The following FRMD4A variants were observed in gnomAD, a reference collection of about 807,000 sequenced individuals.
FRMD4A encodes the protein FERM domain-containing protein 4A.
In FRMD4A, 29 loss-of-function variants were observed where a neutral mutation model predicts 129.1. The ratio of observed to expected loss-of-function variants is 0.22; its 90% CI spans 0.17 to 0.31. The LOEUF (loss-of-function observed/expected upper bound fraction) is 0.31. Ranked by LOEUF, FRMD4A falls within the 10% of genes least tolerant of loss-of-function variation. The probability of loss-of-function intolerance (pLI) is 1.00; values close to 1 mark genes in which losing one functional copy is unlikely to be tolerated. For missense variants in FRMD4A, 1,272 were observed against 1,375.8 expected (o/e 0.92, Z 1.19); for synonymous variants, 634 against 571.6 (o/e 1.11, Z -1.56).
At chr10:13,811,167 G>A (rs532551771) in intron 3 of FRMD4A, among the ~76,000 whole-genome samples, 1 of 150,372 alleles carries the variant, frequency 6.7e-6, no homozygotes, top group East Asian at 2.0e-4. Flanking sequence ...ATGGAGTCTC[G>A]CTCTGTCATC....
At chr10:13,656,281 T>C (rs1269587123) in intron 22 of FRMD4A, among the ~76,000 whole-genome samples, 1 of 152,236 alleles carries the variant, frequency 6.6e-6, no homozygotes, top group African/African-American at 2.4e-5. Context: ...CTCTCCTCAC[T>C]AGGGTAAAAG....
intron 3 of FRMD4A, among the ~76,000 whole-genome samples, chr10:13,814,081 T>G (rs564876663): frequency 2.0e-5 from 3 of 152,334 alleles, no homozygotes; most frequent in Non-Finnish European, 4.4e-5. Flanking sequence ...TGCTCGAGAA[T>G]GGATTTGATT....
At chr10:13,791,456 T>A (rs72769601) in intron 5 of FRMD4A, among the ~76,000 whole-genome samples, 1 of 150,862 alleles carries the variant, frequency 6.6e-6, no homozygotes, top group Non-Finnish European at 1.5e-5. Context: ...GGTGTGTGTG[T>A]GAGAGAAAGG....
chr10:13,656,379 G>A (rs932892386), intron 22 of FRMD4A, among the ~76,000 whole-genome samples: 1 of 152,214 alleles, frequency 6.6e-6, no homozygotes, highest in African/African-American at 2.4e-5. Flanking sequence ...GGAGAAATGG[G>A]AGAGCTGGCC....
chr10:14,027,616 CAAACAAAAACAA>C (rs200117051), intron 2 of FRMD4A, among the ~76,000 whole-genome samples: 3 of 152,156 alleles, frequency 2.0e-5, no homozygotes, highest in Non-Finnish European at 2.9e-5. Context: ...AACTCTGTCT[CAAACAAAAACAA>C]AAACAAAAAC....
intron 6 of FRMD4A, among the ~76,000 whole-genome samples, chr10:13,775,901 TA>T (rs34178139): frequency 0.63 from 95,483 of 151,960 alleles, 32,562 homozygotes; most frequent in East Asian, 0.95. Context: ...AGTAACTAAA[TA>T]AGTGAAAGCA....
At chr10:13,804,017 T>G (rs75646973) in intron 4 of FRMD4A, among the ~76,000 whole-genome samples, 209 of 152,348 alleles carry the variant, frequency 1.4e-3, no homozygotes, top group African/African-American at 4.9e-3. Flanking sequence ...TTGTTTATCT[T>G]AGCTGCACAC....
At chr10:13,881,988 AGGGTGTGTGTGT>A (rs1211866746) in intron 2 of FRMD4A, among the ~76,000 whole-genome samples, 2,049 of 10,708 alleles carry the variant, frequency 0.19, 31 homozygotes, top group Non-Finnish European at 0.41. Flanking sequence ...GGGAGAGGCA[AGGGTGTGTGTGT>A]GTGTGTGTGT....
chr10:13,946,267 T>C (rs1307569680), intron 2 of FRMD4A, among the ~76,000 whole-genome samples: 1 of 152,192 alleles, frequency 6.6e-6, no homozygotes, highest in Non-Finnish European at 1.5e-5. Flanking sequence ...CGCAAGAATC[T>C]TTCTGATGCC....
At chr10:14,326,610 A>C (rs903552115) in intron 2 of FRMD4A, 9 of 388,088 alleles carry the variant, frequency 2.3e-5, no homozygotes, top group African/African-American at 4.1e-5. Context: ...AGCTGTCCTG[A>C]AGGTGAGCCT....
At chr10:14,128,312 C>T (rs1389653229) in intron 2 of FRMD4A, among the ~76,000 whole-genome samples, 1 of 151,852 alleles carries the variant, frequency 6.6e-6, no homozygotes, top group African/African-American at 2.4e-5. Context: ...CCATTTTGCC[C>T]AGGTTGGTCG....
At chr10:13,861,248 C>G (rs80343250) in intron 2 of FRMD4A, among the ~76,000 whole-genome samples, 1 of 152,100 alleles carries the variant, frequency 6.6e-6, no homozygotes, top group Admixed American at 6.6e-5. Context: ...TTTGCAGGTA[C>G]GGCAAGATTA....
intron 2 of FRMD4A, among the ~76,000 whole-genome samples, chr10:14,209,220 T>A (rs558572500): frequency 6.6e-6 from 1 of 152,314 alleles, no homozygotes; most frequent in East Asian, 1.9e-4. Flanking sequence ...TGACACTTGA[T>A]AATTTTGTCA....
intron 2 of FRMD4A, among the ~76,000 whole-genome samples, chr10:14,163,686 C>G (rs1841022792): frequency 6.6e-6 from 1 of 152,218 alleles, no homozygotes; most frequent in Admixed American, 6.5e-5. Context: ...CTTTCCCTTC[C>G]CAGCAGCTTC....
At chr10:14,146,532 A>G (rs1840082890) in intron 2 of FRMD4A, among the ~76,000 whole-genome samples, 1 of 152,214 alleles carries the variant, frequency 6.6e-6, no homozygotes. Flanking sequence ...TATTATCGAT[A>G]ACCAACACGT....
At chr10:13,787,619 C>A (rs1003816523) in intron 5 of FRMD4A, among the ~76,000 whole-genome samples, 2 of 152,056 alleles carry the variant, frequency 1.3e-5, no homozygotes, top group African/African-American at 4.8e-5. Context: ...AGCCACCATG[C>A]TGACTAATTT....
chr10:14,284,420 G>A (rs1218369), intron 2 of FRMD4A, among the ~76,000 whole-genome samples: 27,014 of 152,018 alleles, frequency 0.18, 3,416 homozygotes, highest in African/African-American at 0.36. Context: ...AGGCCGAGGC[G>A]GATGGATCAC....
At chr10:14,319,981 G>A (rs1049383595) in intron 2 of FRMD4A, among the ~76,000 whole-genome samples, 1 of 152,062 alleles carries the variant, frequency 6.6e-6, no homozygotes, top group Non-Finnish European at 1.5e-5. Flanking sequence ...CTCCCTGTGC[G>A]TGTCCCCTGT....
At chr10:13,654,910 A>G in intron 22 of FRMD4A, 1 of 196,346 alleles carries the variant, frequency 5.1e-6, no homozygotes, top group Non-Finnish European at 1.0e-5. Context: ...CAGGGAGGGC[A>G]TATTTCTCTG....
Sources: gnomAD v4.1 joint callset for allele counts (sites outside exome capture counted in the v4.1 genomes callset) on GRCh38, gnomAD v4.1.1 for gene constraint, MANE v1.5 for transcripts, NCBI Gene and HGNC (gene_info 2026-07-23, HGNC 2026-07-21) for gene names.